The following NME5 variants were observed in gnomAD, a reference collection of about 807,000 sequenced individuals.
NME5 encodes NME/NM23 family member 5.
NME5 carries 18 observed loss-of-function variants against 21.6 expected under a neutral mutation model. That is an observed-to-expected ratio of 0.83 (90% CI 0.58 to 1.24). The LOEUF (loss-of-function observed/expected upper bound fraction) is 1.24. NME5 is among the 50% of genes most tolerant of loss of function. NME5 has a pLI of 0.00. For synonymous variants in NME5, 70 were observed against 80.6 expected (o/e 0.87, Z 0.71); for missense variants, 223 against 255.4 (o/e 0.87, Z 0.86).
intron 4 of NME5, among the ~76,000 whole-genome samples, chr5:138,120,021 C>T (rs1191950992): frequency 1.1e-4 from 17 of 151,778 alleles, no homozygotes; most frequent in African/African-American, 4.1e-4. Context: ...ACTGCAGCCT[C>T]GAACTCCTGG....
At chr5:138,132,939 CGTTT>C (rs1175791714) in intron 2 of NME5, among the ~76,000 whole-genome samples, 3 of 150,926 alleles carry the variant, frequency 2.0e-5, no homozygotes, top group Non-Finnish European at 4.4e-5. Flanking sequence ...TGCGTATTAG[CGTTT>C]TTTTTTTTTG....
rs573922729 is a variant in NME5, at chr5:138,138,292, T to A, written c.129+360A>T. ...AGTGAGATCAATTCAGATGCAATGATCTGGAATCCTATCTGAGGGACTCTG... is the reference window on the plus strand; with the variant it reads ...AGTGAGATCAATTCAGATGCAATGAACTGGAATCCTATCTGAGGGACTCTG... On this transcript the variant is annotated intron_variant, in intron 2 of 5. Coordinates refer to ENST00000265191, the MANE Select transcript of NME5 (RefSeq NM_003551.3). The A allele has an allele frequency of 9.9e-4, 169 of 171,322 alleles. No individual in the cohort carries two copies. The Middle Eastern group carries it at 0.011, about 12-fold the overall frequency. 10.6% of individuals were successfully genotyped at this position (171,322 alleles called of 1,614,324 possible). A position where few individuals can be genotyped will look rare whatever the true frequency, so the allele number is the denominator to read the frequency against.
chr5:138,127,899 C>T (rs1022309014), intron 4 of NME5, among the ~76,000 whole-genome samples: 2 of 152,072 alleles, frequency 1.3e-5, no homozygotes, highest in Non-Finnish European at 2.9e-5. Context: ...AAGAATATGT[C>T]TAATGCAAGA....
rs1294027184 is a variant in NME5 at position 138,115,538 on chromosome 5, T to C, written c.*143A>G. On this transcript the variant is annotated 3_prime_UTR_variant, in exon 6 of 6. Transcript: ENST00000265191. ...TAATGTTATCTGCTTCATAGAATAG[T>C]TATTCCTTTAACACTTATTTTTAAG... The C allele has an allele frequency of 2.0e-6, 1 of 497,762 alleles. No individual in the cohort carries two copies. The highest frequency in any genetic ancestry group is 3.1e-5 in the East Asian group (1 of 31,990). The allele number at this position is 497,762 out of a possible 1,614,324, so 30.8% of individuals were successfully genotyped here.
chr5:138,122,463 A>AG (rs1561587123), intron 4 of NME5, among the ~76,000 whole-genome samples: 8 of 149,020 alleles, frequency 5.4e-5, no homozygotes, highest in African/African-American at 2.0e-4. Context: ...AAAAAAAAAA[A>AG]AAAAAATTGT....
intron 2 of NME5, 88 bp from the exon 3 acceptor site, chr5:138,129,556 C>G: frequency 1.2e-6 from 1 of 829,046 alleles, no homozygotes. Context: ...AAACTAGTAC[C>G]AATCTGATTA....
At chr5:138,123,985 CTTTTTTTTTTTTTTTT>C (rs70979583) in intron 4 of NME5, among the ~76,000 whole-genome samples, 3 of 37,248 alleles carry the variant, frequency 8.1e-5, no homozygotes, top group Admixed American at 1.1e-3. Context: ...ATTTTGAGCA[CTTTTTTTTTTTTTTTT>C]TTTTTTTTTT....
At chr5:138,119,262 G>A (rs1323231086) in intron 4 of NME5, among the ~76,000 whole-genome samples, 1 of 152,086 alleles carries the variant, frequency 6.6e-6, no homozygotes, top group African/African-American at 2.4e-5. Context: ...CTGGAATGCA[G>A]TGGCACAATC....
At chr5:138,127,432 C>A in intron 4 of NME5, 2 of 965,482 alleles carry the variant, frequency 2.1e-6, no homozygotes, top group African/African-American at 1.8e-5. Context: ...ATATCAGGAA[C>A]TTTTAAATCT....
rs567628345 is a variant in NME5, at chr5:138,132,664, T to C, written c.130-3196A>G. On this transcript the variant is annotated intron_variant, in intron 2 of 5. Transcript: ENST00000265191. The stretch of plus-strand genomic sequence containing the variant: ...CGCAGGCTTCAGAAACTTGGTAAAA[T>C]TGCTTGGTTTGTAGCAAGGGACCAA... Among the ~76,000 whole-genome samples the C allele has an allele frequency of 7.9e-5, 12 of 152,302 alleles. No homozygotes were observed. The South Asian group carries it at 1.0e-3, about 13-fold the overall frequency.
intron 5 of NME5, 125 bp from the exon 6 acceptor site, chr5:138,115,889 G>A: frequency 3.6e-6 from 2 of 561,188 alleles, no homozygotes; most frequent in Middle Eastern, 4.3e-4. Flanking sequence ...CATTAAAAAT[G>A]GAAACATTTG....
chr5:138,137,886 C>CTACT (rs967303591), intron 2 of NME5, among the ~76,000 whole-genome samples: 2 of 151,732 alleles, frequency 1.3e-5, no homozygotes, highest in Non-Finnish European at 2.9e-5. Flanking sequence ...GTAATCCCAG[C>CTACT]TACTCAGGAG....
At position 138,129,370 on chromosome 5, in the gene NME5, AG is replaced by A; in HGVS notation, c.227del (p.Ser76LeufsTer7). On this transcript the variant is annotated frameshift_variant, in exon 3 of 6. Transcript: ENST00000265191. LOFTEE classifies it high-confidence loss of function. ...FFPNLTAYMS[S>X]GPLVAMILAR... ...CTAATATCATGGCGACAAGTGGTCCAGAACTCATGTAAGCTGTTAAGTTGGG... is the reference window on the plus strand; with the variant it reads ...CTAATATCATGGCGACAAGTGGTCCAAACTCATGTAAGCTGTTAAGTTGGG... 6.2e-7 allele frequency: 1 copy of A among 1,614,002 alleles called. No homozygotes were observed. Among genetic ancestry groups the A allele is most frequent in the South Asian group, 1.1e-5 (1 of 91,084 alleles).
intron 2 of NME5, among the ~76,000 whole-genome samples, chr5:138,135,350 T>G (rs1751673942): frequency 6.6e-6 from 1 of 150,954 alleles, no homozygotes; most frequent in Non-Finnish European, 1.5e-5. Flanking sequence ...TTTTTTCTTT[T>G]TCAAGACAGA....
chr5:138,136,096 T>C (rs1751691956), intron 2 of NME5, among the ~76,000 whole-genome samples: 1 of 152,242 alleles, frequency 6.6e-6, no homozygotes, highest in Non-Finnish European at 1.5e-5. Flanking sequence ...ACCTGGGTTA[T>C]TTTCAATCTT....
At chr5:138,124,072 C>A (rs1485025351) in intron 4 of NME5, among the ~76,000 whole-genome samples, 2 of 133,474 alleles carry the variant, frequency 1.5e-5, no homozygotes, top group Non-Finnish European at 3.1e-5. Context: ...TCTTGGCTCA[C>A]TGCAACCTCC....
At chr5:138,133,542 C>T (rs1561591579) in intron 2 of NME5, among the ~76,000 whole-genome samples, 2 of 152,184 alleles carry the variant, frequency 1.3e-5, no homozygotes, top group South Asian at 2.1e-4. Context: ...CCGATCTCAT[C>T]TGAAATTAGG....
At chr5:138,130,141 G>A (rs1395536262) in intron 2 of NME5, among the ~76,000 whole-genome samples, 4 of 152,206 alleles carry the variant, frequency 2.6e-5, no homozygotes, top group African/African-American at 9.6e-5. Flanking sequence ...ATAACAGCTA[G>A]GCACAGTGGC....
chr5:138,129,229 C>T, intron 3 of NME5, 34 bp downstream of exon 3: 1 of 1,411,132 alleles, frequency 7.1e-7, no homozygotes, highest in Admixed American at 1.7e-5. Context: ...AGATGGATTC[C>T]ATTCCCTGCC....
Sources: allele counts gnomAD v4.1 joint callset (sites outside exome capture counted in the v4.1 genomes callset), GRCh38; gene constraint gnomAD v4.1.1; transcripts MANE v1.5; gene names NCBI Gene and HGNC (gene_info 2026-07-23, HGNC 2026-07-21).